Variants in USP47 observed in about 807,000 individuals in gnomAD.
The protein encoded by USP47 is ubiquitin specific peptidase 47.
A neutral mutation model predicts 165.1 loss-of-function variants in USP47; 35 were observed. The ratio of observed to expected loss-of-function variants is 0.21; its 90% CI spans 0.16 to 0.28. The LOEUF (loss-of-function observed/expected upper bound fraction) is 0.28, where lower values mean the gene tolerates loss of function less well. USP47 is among the 10% of genes least tolerant of loss of function. USP47 has a pLI of 1.00. For synonymous variants in USP47, 531 were observed against 544.5 expected, an observed-to-expected ratio of 0.98 and a Z score of 0.35; for missense variants, 1,277 against 1,607.4, an observed-to-expected ratio of 0.79 and a Z score of 3.52.
chr11:11,876,909 G>GA lies in USP47; in HGVS notation c.40-3258dup, dbSNP rs959325315. 8.0e-4 allele frequency among the ~76,000 whole-genome samples: 118 copies of GA among 147,072 alleles called. No homozygotes were observed. The East Asian group carries it at 0.011, about 14-fold the overall frequency. Reference sequence around the variant, plus strand: ...GGTCACGTCAGATTCATGAGAAAAGGAAAAAAAAAAGAATGGCAAAGAATT... The same window carrying GA: ...GGTCACGTCAGATTCATGAGAAAAGGAAAAAAAAAAAGAATGGCAAAGAATT... On this transcript the variant is annotated intron_variant, in intron 1 of 27. Transcript: ENST00000527733.
chr11:11,875,232 C>G (rs1850332968), intron 1 of USP47, among the ~76,000 whole-genome samples: 1 of 152,004 alleles, frequency 6.6e-6, no homozygotes, highest in African/African-American at 2.4e-5. Context: ...ATATTTAAAT[C>G]TTGATAATTT....
At chr11:11,943,158 TTC>T (rs761032216) in intron 20 of USP47, 46 bp downstream of exon 20, 6 of 1,540,470 alleles carry the variant, frequency 3.9e-6, no homozygotes. Context: ...GCATCAGTTT[TTC>T]TCTCAGTTTA....
intron 1 of USP47, among the ~76,000 whole-genome samples, chr11:11,875,431 A>G (rs1850347693): frequency 6.6e-6 from 1 of 152,174 alleles, no homozygotes; most frequent in Non-Finnish European, 1.5e-5. Flanking sequence ...AAAAGGAGAC[A>G]AGATGACTTA....
intron 1 of USP47, 91 bp downstream of exon 1, chr11:11,842,315 G>T: frequency 7.0e-7 from 1 of 1,436,330 alleles, no homozygotes; most frequent in Non-Finnish European, 9.4e-7. Context: ...GGCCCGGCCG[G>T]GGTGCAGGCT....
rs758175559 is a variant in USP47 at position 11,942,962 on chromosome 11, G to A, written c.2941G>A (p.Gly981Arg). 23 of 1,613,202 alleles carry A rather than the reference G, an allele frequency of 1.4e-5. No individual in the cohort carries two copies. The highest frequency in any genetic ancestry group is 2.2e-5 in the South Asian group (2 of 91,044). Reference sequence around the variant, plus strand: ...TAGTAGAAGAACGAAAGCAAATGAAGGGAAAAAAGAAACATGGGATACAGC... The same window carrying A: ...TAGTAGAAGAACGAAAGCAAATGAAAGGAAAAAAGAAACATGGGATACAGC... Reference protein sequence around the residue: ...TSSRRTKANEGKKETWDTAEE... With the variant: ...TSSRRTKANERKKETWDTAEE... Residue 981 changes from glycine (G) to arginine (R), a missense_variant, in exon 20 of 28, where the codon GGG becomes AGG. By Grantham distance (125) the Gly-to-Arg change is moderately radical. Coordinates refer to ENST00000527733, the MANE Select transcript of USP47 (RefSeq NM_001282659.2).
chr11:11,943,364 T>C (rs1429378575), intron 20 of USP47: 6 of 274,268 alleles, frequency 2.2e-5, no homozygotes, highest in Admixed American at 4.9e-5. Flanking sequence ...AATTATGATA[T>C]AATTACTAAG....
intron 1 of USP47, among the ~76,000 whole-genome samples, chr11:11,853,842 A>G (rs912417368): frequency 1.3e-5 from 2 of 152,010 alleles, no homozygotes; most frequent in Admixed American, 6.6e-5. Context: ...ATCCTATCCA[A>G]CCGGCTGGGC....
In USP47 at chr11:11,922,812, A is replaced by T; in HGVS notation, c.1307A>T (p.Asn436Ile). Residue 436 changes from asparagine to isoleucine, a missense_variant, in exon 11 of 28, where the codon AAT becomes ATT. By Grantham distance (149) the Asn-to-Ile change is moderately radical. This residue lies in a region of USP47 where 175 missense variants were observed against 295.8 expected (regional missense o/e 0.59). Transcript: ENST00000527733. ...HSDQMSNDFSNDDGVDEGICL... is the reference protein window; with the variant it reads ...HSDQMSNDFSIDDGVDEGICL... ...GATCAGATGAGCAACGATTTCTCCA[A>T]TGATGATGGTGTTGATGAAGGAATC... is the stretch of plus-strand genomic sequence containing the variant. 6.2e-7 allele frequency: 1 copy of T among 1,611,832 alleles called. No homozygotes were observed. Among genetic ancestry groups the T allele is most frequent in the Non-Finnish European group, 8.5e-7 (1 of 1,178,540 alleles).
At chr11:11,940,094 C>A (rs1855359824) in intron 18 of USP47, among the ~76,000 whole-genome samples, 1 of 151,926 alleles carries the variant, frequency 6.6e-6, no homozygotes, top group Non-Finnish European at 1.5e-5. Flanking sequence ...TATCAGCAGT[C>A]AAAAAGTCAG....
At chr11:11,887,759 A>G (rs1484719687) in intron 3 of USP47, among the ~76,000 whole-genome samples, 2 of 152,224 alleles carry the variant, frequency 1.3e-5, no homozygotes, top group East Asian at 1.9e-4. Flanking sequence ...CCACCCCACA[A>G]CAACAGAATA....
At chr11:11,943,751 T>C (rs1345100164) in intron 20 of USP47, 2 of 152,070 alleles carry the variant, frequency 1.3e-5, no homozygotes, top group African/African-American at 4.8e-5. Context: ...AAAGAACCTT[T>C]ATAAAACCTT....
chr11:11,922,029 C>G (rs930548925), intron 10 of USP47, among the ~76,000 whole-genome samples: 2 of 151,732 alleles, frequency 1.3e-5, no homozygotes, highest in Non-Finnish European at 2.9e-5. Flanking sequence ...ATTTCAAAAG[C>G]CTGCATCTTA....
intron 1 of USP47, among the ~76,000 whole-genome samples, chr11:11,851,851 T>C (rs113697719): frequency 1.3e-5 from 2 of 152,138 alleles, no homozygotes; most frequent in African/African-American, 2.4e-5. Flanking sequence ...CTCTCATGAA[T>C]AGATTGAGGT....
At chr11:11,920,619 T>C in intron 10 of USP47, 125 bp downstream of exon 10, 1 of 800,014 alleles carries the variant, frequency 1.2e-6, no homozygotes, top group Non-Finnish European at 1.8e-6. Flanking sequence ...AAACTTTTTC[T>C]TTCTTATTTT....
At chr11:11,891,878 A>G in intron 3 of USP47, 90 bp from the exon 4 acceptor site, 1 of 1,487,174 alleles carries the variant, frequency 6.7e-7, no homozygotes, top group Non-Finnish European at 9.1e-7. Flanking sequence ...TGTATCAGGC[A>G]TCATTCAAAC....
At chr11:11,935,406 T>G (rs1323545467) in intron 16 of USP47, among the ~76,000 whole-genome samples, 1 of 151,976 alleles carries the variant, frequency 6.6e-6, no homozygotes, top group African/African-American at 2.4e-5. Flanking sequence ...TGGTAAAAAT[T>G]CTTTAAATAT....
intron 20 of USP47, among the ~76,000 whole-genome samples, chr11:11,945,410 C>T (rs539962853): frequency 6.6e-6 from 1 of 152,304 alleles, no homozygotes; most frequent in South Asian, 2.1e-4. Flanking sequence ...ACAGTATACG[C>T]AGTTCACTCA....
At chr11:11,938,074 CTG>C (rs1464614974) in intron 17 of USP47, among the ~76,000 whole-genome samples, 181 bp from the exon 18 acceptor site, 1 of 151,898 alleles carries the variant, frequency 6.6e-6, no homozygotes. Flanking sequence ...AGCAGGAGTG[CTG>C]TGTCACCTTT....
Position 11,920,387 on chromosome 11 carries a change from A to C in USP47, c.1111A>C (p.Lys371Gln). Residue 371 changes from lysine (K) to glutamine (Q), a missense_variant, in exon 10 of 28, where the codon AAA becomes CAA. Around this residue, in one of 4 missense-constraint regions of USP47, gnomAD observed 175 missense variants for 295.8 expected, o/e 0.59. Transcript: ENST00000527733. ...HFPYLLTLQL[K>Q]RFDFDYTTMH... Reference sequence around the variant, plus strand: ...TCCTTATCTGCTGACCTTACAGCTGAAAAGATTCGATTTTGATTATACAAC... The same window carrying C: ...TCCTTATCTGCTGACCTTACAGCTGCAAAGATTCGATTTTGATTATACAAC... 1.2e-6 allele frequency: 2 copies of C among 1,611,138 alleles called. No homozygotes were observed. Among genetic ancestry groups the C allele is most frequent in the Non-Finnish European group, 1.7e-6 (2 of 1,178,418 alleles).
Sources: allele counts gnomAD v4.1 joint callset (sites outside exome capture counted in the v4.1 genomes callset), GRCh38; gene constraint gnomAD v4.1.1; regional missense constraint gnomAD v4.1.1; transcripts MANE v1.5; gene names NCBI Gene and HGNC (gene_info 2026-07-23, HGNC 2026-07-21).